SLC39A5: variants seen among roughly 807,000 people sequenced by gnomAD.
SLC39A5 encodes the protein zinc transporter ZIP5.
In SLC39A5, 42 loss-of-function variants were observed where a neutral mutation model predicts 46.9. That is an observed-to-expected ratio of 0.90 (90% CI 0.70 to 1.16). The LOEUF (loss-of-function observed/expected upper bound fraction) is 1.16. Among genes scored for constraint, SLC39A5 ranks in the 50% most tolerant of loss-of-function variants. The pLI, the probability that SLC39A5 is intolerant of heterozygous loss-of-function variation, is 0.00. For synonymous variants in SLC39A5, 311 were observed against 323.1 expected, an observed-to-expected ratio of 0.96 and a Z score of 0.40; for missense variants, 677 against 686.8, an observed-to-expected ratio of 0.99 and a Z score of 0.16.
At position 56,231,408 on chromosome 12, in the gene SLC39A5, G is replaced by A; in HGVS notation, c.134G>A (p.Gly45Asp). Residue 45 changes from glycine (G) to aspartate (D), a missense_variant, in exon 4 of 13, where the codon GGC becomes GAC. Coordinates refer to ENST00000454355, the MANE Select transcript of SLC39A5 (RefSeq NM_173596.3). ...EQNHYLAQLF[G>D]LYGENGTLTA... is the part of the protein sequence containing the mutation. Reference sequence around the variant, plus strand: ...AACCATTACCTGGCCCAGCTGTTTGGCCTGTACGGCGAGAATGGGACGCTG... The same window carrying A: ...AACCATTACCTGGCCCAGCTGTTTGACCTGTACGGCGAGAATGGGACGCTG... 1.2e-6 allele frequency: 2 copies of A among 1,614,138 alleles called. No individual in the cohort carries two copies. Among genetic ancestry groups the A allele is most frequent in the Non-Finnish European group, 1.7e-6 (2 of 1,180,016 alleles).
intron 7 of SLC39A5, 107 bp downstream of exon 7, chr12:56,235,433 G>T: frequency 6.6e-7 from 1 of 1,509,540 alleles, no homozygotes; most frequent in South Asian, 1.3e-5. Flanking sequence ...CCTACTCCCA[G>T]ATCCTGGCTT....
In SLC39A5 at chr12:56,232,598, C is replaced by T. The variant is rs1870331776; in HGVS notation, c.288-91C>T. 4.3e-6 allele frequency: 5 copies of T among 1,171,930 alleles called. No individual in the cohort carries two copies. In the South Asian group the frequency reaches 5.2e-5, roughly 12 times the overall value. The allele number at this position is 1,171,930 out of a possible 1,614,324, so 72.6% of individuals were successfully genotyped here. ...CCAGGATCTCCAGTCAGTGGCTAGT[C>T]CCCCCATTCCCCCTAAAATCCCTGG... On this transcript the variant is annotated intron_variant, in intron 4 of 12. Transcript: ENST00000454355.
At chr12:56,237,546 C>G (rs1220200071) in intron 12 of SLC39A5, 42 bp from the exon 13 acceptor site, 4 of 1,612,076 alleles carry the variant, frequency 2.5e-6, no homozygotes, top group Non-Finnish European at 2.5e-6. Context: ...GTTGAGAGGT[C>G]AGGGGCAAGG....
intron 5 of SLC39A5, among the ~76,000 whole-genome samples, 197 bp downstream of exon 5, chr12:56,233,069 C>T (rs1870385236): frequency 6.6e-6 from 1 of 151,880 alleles, no homozygotes; most frequent in Non-Finnish European, 1.5e-5. Flanking sequence ...CGAGACCAGC[C>T]TGGCCAACAT....
chr12:56,231,270 C>A lies in SLC39A5; in HGVS notation c.-5C>A. On this transcript the variant is annotated 5_prime_UTR_variant, in exon 4 of 13. Transcript: ENST00000454355. ...ACCTGAGCCCCTAAGCTATTCCCCT[C>A]ACCAATGATGGGGTCCCCAGTGAGT... is the stretch of plus-strand genomic sequence containing the variant. The A allele has an allele frequency of 3.1e-6, 5 of 1,596,352 alleles. No individual in the cohort carries two copies. The highest frequency in any genetic ancestry group is 4.3e-6 in the Non-Finnish European group (5 of 1,170,250).
intron 8 of SLC39A5, 119 bp from the exon 9 acceptor site, chr12:56,236,277 G>C: frequency 1.1e-6 from 1 of 879,502 alleles, no homozygotes; most frequent in Non-Finnish European, 1.8e-6. Flanking sequence ...AGAGGCCAAA[G>C]AACATCCCAG....
intron 4 of SLC39A5, among the ~76,000 whole-genome samples, chr12:56,232,029 C>T (rs952763990): frequency 6.6e-6 from 1 of 151,994 alleles, no homozygotes; most frequent in Non-Finnish European, 1.5e-5. Context: ...ACCACCCTAG[C>T]CCTCCGTTGC....
chr12:56,230,736 G>C (rs993215281), intron 2 of SLC39A5, 95 bp from the exon 3 acceptor site: 2 of 152,820 alleles, frequency 1.3e-5, no homozygotes, highest in East Asian at 3.9e-4. Context: ...GGGCTAGGAG[G>C]GGGTGCATGT....
chr12:56,237,342 TGA>T lies in SLC39A5; in HGVS notation c.1479+7_1479+8del. On this transcript the variant is annotated splice_donor_region_variant and intron_variant, in intron 12 of 12. Coordinates refer to ENST00000454355, the MANE Select transcript of SLC39A5 (RefSeq NM_173596.3). ...CTCTATGTGGCCCTTGTGGACATGGTGAGAGATGTCGGGTAGAGCAGAGAAAT... is the reference window on the plus strand; with the variant it reads ...CTCTATGTGGCCCTTGTGGACATGGTGAGATGTCGGGTAGAGCAGAGAAAT... 6.3e-7 allele frequency: 1 copy of T among 1,583,602 alleles called. No homozygotes were observed. Among genetic ancestry groups the T allele is most frequent in the Non-Finnish European group, 8.6e-7 (1 of 1,163,644 alleles).
intron 7 of SLC39A5, 85 bp from the exon 8 acceptor site, chr12:56,235,475 G>A: frequency 3.2e-6 from 5 of 1,542,478 alleles, no homozygotes; most frequent in Non-Finnish European, 4.4e-6. Context: ...TAGAGCATAT[G>A]AGCGAAGGCT....
At position 56,235,302 on chromosome 12, in the gene SLC39A5, T is replaced by C; in HGVS notation, c.780T>C (p.Asp260=). The C allele has an allele frequency of 6.5e-7, 1 of 1,535,770 alleles. No homozygotes were observed. The highest frequency in any genetic ancestry group is 2.1e-5 in the Admixed American group (1 of 47,488). The change falls in exon 7 of 13, where the codon GAT becomes GAC. Residue 260 remains aspartate (D), a synonymous_variant. Transcript: ENST00000454355. ...GALAVGTLCG[D]ALLHLLPHAQ... is the part of the protein sequence containing the mutation. The stretch of plus-strand genomic sequence containing the variant: ...TGGCGGTGGGCACTCTTTGTGGGGA[T>C]GCACTGCTACATCTGCTACCGCATG...
At position 56,236,647 on chromosome 12, in the gene SLC39A5, C is replaced by T; in HGVS notation, c.1108C>T (p.His370Tyr). The T allele has an allele frequency of 1.2e-6, 2 of 1,613,760 alleles. No homozygotes were observed. Among genetic ancestry groups the T allele is most frequent in the Non-Finnish European group, 1.7e-6 (2 of 1,179,780 alleles). ...QHPPALAPPG[H>Y]QGHSHGHQGG... ...CCCACCAGCTCTGGCCCCTCCTGGG[C>T]ACCAAGGCCACAGTCATGGGCACCA... Residue 370 changes from histidine (H) to tyrosine (Y), a missense_variant, in exon 10 of 13, where the codon CAC (histidine) becomes TAC (tyrosine). Coordinates refer to ENST00000454355, the MANE Select transcript of SLC39A5 (RefSeq NM_173596.3).
chr12:56,232,504 C>A (rs988603424), intron 4 of SLC39A5, among the ~76,000 whole-genome samples, 185 bp from the exon 5 acceptor site: 2 of 151,436 alleles, frequency 1.3e-5, no homozygotes, highest in East Asian at 2.0e-4. Flanking sequence ...TTTTTTCTGT[C>A]CCCCCCAGTG....
In SLC39A5 at chr12:56,232,890, T is replaced by C. The variant is rs201161574; in HGVS notation, c.471+18T>C. The C allele has an allele frequency of 8.4e-4, 1,350 of 1,597,900 alleles. No homozygotes were observed. Among genetic ancestry groups the C allele is most frequent in the Non-Finnish European group, 1.1e-3 (1,239 of 1,174,020 alleles). ...ATGAGGATGTGAGTCTGACGGTCTC[T>C]AGAGGGGAAGGAGCCATGGGATTAG... On this transcript the variant is annotated intron_variant, in intron 5 of 12. Transcript: ENST00000454355.
chr12:56,234,288 T>C (rs1021519004), intron 5 of SLC39A5, among the ~76,000 whole-genome samples: 87 of 150,962 alleles, frequency 5.8e-4, no homozygotes, highest in Non-Finnish European at 9.9e-4. Context: ...GCTGGGATTA[T>C]AGGTGTTCAC....
At chr12:56,235,429 C>T in intron 7 of SLC39A5, 103 bp downstream of exon 7, 1 of 1,508,998 alleles carries the variant, frequency 6.6e-7, no homozygotes, top group Non-Finnish European at 8.8e-7. Flanking sequence ...ATATCCTACT[C>T]CCAGATCCTG....
In SLC39A5 at chr12:56,237,114, C is replaced by T. The variant is rs374778265; in HGVS notation, c.1289-36C>T. ...GTGGCATGGATGAGGGGCACCCCAG[C>T]TTACTCCCTCCCATCCTGTCCTCTG... On this transcript the variant is annotated intron_variant, in intron 11 of 12. Transcript: ENST00000454355. The T allele has an allele frequency of 8.1e-6, 13 of 1,612,952 alleles. No homozygotes were observed. In the African/African-American group the frequency reaches 1.6e-4, roughly 20 times the overall value.
At chr12:56,234,785 TC>T (rs1565599944) in intron 5 of SLC39A5, 38 bp from the exon 6 acceptor site, 40 of 1,610,528 alleles carry the variant, frequency 2.5e-5, no homozygotes, top group Non-Finnish European at 3.3e-5. Context: ...GAGTCATAGT[TC>T]CTGGTGATTC....
Position 56,234,937 on chromosome 12 carries a change from C to A in SLC39A5, c.585C>A (p.Arg195=), listed in dbSNP as rs746755803. The A allele has an allele frequency of 2.5e-6, 4 of 1,613,720 alleles. No individual in the cohort carries two copies. The highest frequency in any genetic ancestry group is 2.5e-6 in the Non-Finnish European group (3 of 1,180,034). The change falls in exon 6 of 13, where the codon CGC becomes CGA. Residue 195 remains arginine, a synonymous_variant. Transcript: ENST00000454355. ...CCCTGCTTTATCAGATCGACAGCCG[C>A]GTCTGCATCGGCGCTCCGGCCCCTG... ...CPALLYQIDS[R]VCIGAPAPAP...
Sources: allele counts gnomAD v4.1 joint callset (sites outside exome capture counted in the v4.1 genomes callset), GRCh38; gene constraint gnomAD v4.1.1; transcripts MANE v1.5; gene names NCBI Gene and HGNC (gene_info 2026-07-23, HGNC 2026-07-21).